ING5: variants seen among roughly 807,000 people sequenced by gnomAD.
The protein encoded by ING5 is inhibitor of growth protein 5.
ING5 carries 17 observed loss-of-function variants against 37.4 expected under a neutral mutation model. The observed-to-expected ratio is 0.45, with a 90% CI of 0.31 to 0.68. ING5 has a LOEUF of 0.68. ING5 is among the 30% of genes least tolerant of loss of function. The pLI is 0.05. For synonymous variants in ING5, 123 were observed against 116.6 expected, an observed-to-expected ratio of 1.06 and a Z score of -0.36; for missense variants, 233 against 311.9, an observed-to-expected ratio of 0.75 and a Z score of 1.91.
At chr2:241,706,777 G>A (rs756990991) in intron 2 of ING5, among the ~76,000 whole-genome samples, 12 of 152,100 alleles carry the variant, frequency 7.9e-5, no homozygotes, top group Admixed American at 1.3e-4. Flanking sequence ...GGAAGTTGGC[G>A]ACATTGCTGC....
intron 5 of ING5, among the ~76,000 whole-genome samples, chr2:241,713,989 C>CAA (rs781230058): frequency 1.9e-5 from 2 of 104,568 alleles, no homozygotes; most frequent in African/African-American, 3.5e-5. Context: ...AACTCCGTCT[C>CAA]AAAAAAAAAA....
upstream of ING5, among the ~76,000 whole-genome samples, chr2:241,699,749 G>A (rs868042981): frequency 6.6e-6 from 1 of 152,016 alleles, no homozygotes; most frequent in Admixed American, 6.6e-5. Context: ...TGGGGCTCGG[G>A]GAGCCTTTGG....
At chr2:241,698,528 TGTGTGTGTGTGG>T (rs1358297399), upstream of ING5, among the ~76,000 whole-genome samples, 1 of 141,382 alleles carries the variant, frequency 7.1e-6, no homozygotes, top group African/African-American at 2.7e-5. Flanking sequence ...TGTGTGTGTG[TGTGTGTGTGTGG>T]AGGAGTATAT....
chr2:241,692,939 C>G (rs972656083), intron 2 of ING5, among the ~76,000 whole-genome samples: 3 of 152,110 alleles, frequency 2.0e-5, no homozygotes, highest in Non-Finnish European at 4.4e-5. Context: ...ACTGTTGGTC[C>G]TATCACATTA....
Position 241,725,261 on chromosome 2 carries a change from C to T in ING5, c.*230C>T. 1.8e-6 allele frequency: 1 copy of T among 556,530 alleles called. No individual in the cohort carries two copies. The highest frequency in any genetic ancestry group is 3.1e-5 in the East Asian group (1 of 32,252). The allele number at this position is 556,530 out of a possible 1,614,324, so 34.5% of individuals were successfully genotyped here. A position where few individuals can be genotyped will look rare whatever the true frequency, so the allele number is the denominator to read the frequency against. On this transcript the variant is annotated 3_prime_UTR_variant, in exon 8 of 8. Coordinates refer to ENST00000313552, the MANE Select transcript of ING5 (RefSeq NM_032329.6). The stretch of plus-strand genomic sequence containing the variant: ...CCTCAGTGTGGCTTTTACAGGACTC[C>T]CCCCGAGCATCAGCAGGGACCCCGG...
At chr2:241,718,653 G>A (rs2070346762) in intron 5 of ING5, among the ~76,000 whole-genome samples, 1 of 152,072 alleles carries the variant, frequency 6.6e-6, no homozygotes, top group Non-Finnish European at 1.5e-5. Flanking sequence ...GGCCTCAGGT[G>A]GATCTGCCTG....
In ING5 at chr2:241,725,936, A is replaced by ATGTGAATTTGT. The variant is rs376585523; in HGVS notation, c.*921_*931dup. 2 of 152,588 alleles carry ATGTGAATTTGT rather than the reference A, an allele frequency of 1.3e-5. No homozygotes were observed. Among genetic ancestry groups the ATGTGAATTTGT allele is most frequent in the Non-Finnish European group, 2.9e-5 (2 of 68,036 alleles). The allele number at this position is 152,588 out of a possible 1,614,324, so 9.5% of individuals were successfully genotyped here. A position where few individuals can be genotyped will look rare whatever the true frequency, so the allele number is the denominator to read the frequency against. On this transcript the variant is annotated 3_prime_UTR_variant, in exon 8 of 8. Coordinates refer to ENST00000313552, the MANE Select transcript of ING5 (RefSeq NM_032329.6). ...GCAGCTCCCGGTCGAGGGGACTCCG[A>ATGTGAATTTGT]TGTGAATTTGTTGTGAATTTGTTGT...
At chr2:241,692,466 C>CTT (rs577054689) in intron 2 of ING5, among the ~76,000 whole-genome samples, 17,993 of 143,460 alleles carry the variant, frequency 0.13, 1,279 homozygotes, top group East Asian at 0.33. Context: ...ACACATCTGG[C>CTT]TTTTTTTTTT....
In ING5 at chr2:241,708,150, C is replaced by G. The variant is rs112795495; in HGVS notation, c.110-1066C>G. Among the ~76,000 whole-genome samples, 1,090 of 152,206 alleles carry G rather than the reference C, an allele frequency of 7.2e-3. 18 individuals are homozygous for G. The highest frequency in any genetic ancestry group is 0.025 in the African/African-American group (1,036 of 41,518). Reference sequence around the variant, plus strand: ...TAACCTCGTGATCCTCCTGCCTTGGCCTCCCAAAGTGCTGGGATCACAGGC... The same window carrying G: ...TAACCTCGTGATCCTCCTGCCTTGGGCTCCCAAAGTGCTGGGATCACAGGC... On this transcript the variant is annotated intron_variant, in intron 2 of 7. Transcript: ENST00000313552.
At chr2:241,698,183 G>A (rs528231048), upstream of ING5, among the ~76,000 whole-genome samples, 2 of 151,302 alleles carry the variant, frequency 1.3e-5, no homozygotes, top group Admixed American at 6.6e-5. Flanking sequence ...GGTGGCTCAC[G>A]CCTGTAATCC....
intron 2 of ING5, among the ~76,000 whole-genome samples, chr2:241,693,252 CAAA>C (rs748452347): frequency 0.013 from 756 of 59,318 alleles, 2 homozygotes; most frequent in African/African-American, 0.036. Context: ...GAGACTGTCT[CAAA>C]AAAAAAAAAA....
chr2:241,720,090 G>A (rs895972036), intron 5 of ING5: 4 of 1,242,152 alleles, frequency 3.2e-6, no homozygotes, highest in Non-Finnish European at 4.0e-6. Context: ...AGGGACAGGA[G>A]GATGGTGCAG....
rs766613237 is a variant in ING5, at chr2:241,704,673, G to C, written c.58G>C (p.Glu20Gln). Residue 20 changes from glutamate (E) to glutamine (Q), a missense_variant, in exon 2 of 8, where the codon GAA becomes CAA. By Grantham distance (29) the Glu-to-Gln change is conservative. Coordinates refer to ENST00000313552, the MANE Select transcript of ING5 (RefSeq NM_032329.6). ...YLDSIENLPC[E>Q]LQRNFQLMRE... is the part of the protein sequence containing the mutation. ...TTCAGGTATCGAGAACCTTCCCTGC[G>C]AACTTCAGAGGAACTTCCAGCTGAT... 6.2e-7 allele frequency: 1 copy of C among 1,613,992 alleles called. No individual in the cohort carries two copies. The highest frequency in any genetic ancestry group is 8.5e-7 in the Non-Finnish European group (1 of 1,179,986).
chr2:241,690,901 G>C (rs900232683), intron 2 of ING5, among the ~76,000 whole-genome samples: 1 of 151,530 alleles, frequency 6.6e-6, no homozygotes, highest in Non-Finnish European at 1.5e-5. Flanking sequence ...CCACCTCCTA[G>C]GTTCAGACGA....
intron 1 of ING5, among the ~76,000 whole-genome samples, chr2:241,688,799 TTTTTA>T (rs1207611068): frequency 6.8e-6 from 1 of 147,616 alleles, no homozygotes; most frequent in Non-Finnish European, 1.5e-5. Context: ...AATTTTTGTA[TTTTTA>T]TTTTATTTTT....
intron 1 of ING5, among the ~76,000 whole-genome samples, chr2:241,704,151 G>A (rs1261605922): frequency 6.6e-6 from 1 of 152,164 alleles, no homozygotes; most frequent in Admixed American, 6.6e-5. Flanking sequence ...GACAGCTTCC[G>A]AAGTGTGCAC....
At chr2:241,721,005 C>G in intron 5 of ING5, 16 of 985,686 alleles carry the variant, frequency 1.6e-5, no homozygotes, top group Non-Finnish European at 1.8e-5. Flanking sequence ...CCAGCGCCCT[C>G]GAACCTGGTG....
rs570760440 is a variant in ING5 at position 241,709,575 on chromosome 2, T to C, written c.276+193T>C. Reference sequence around the variant, plus strand: ...TCCCTGTTTTTTTTTTTTTTTTTTCTGGGCCCTTTTTGTTTGTGTATCTGC... The same window carrying C: ...TCCCTGTTTTTTTTTTTTTTTTTTCCGGGCCCTTTTTGTTTGTGTATCTGC... On this transcript the variant is annotated intron_variant, in intron 3 of 7. Coordinates refer to ENST00000313552, the MANE Select transcript of ING5 (RefSeq NM_032329.6). 5.5e-5 allele frequency among the ~76,000 whole-genome samples: 8 copies of C among 145,500 alleles called. No homozygotes were observed. The South Asian group carries it at 1.6e-3, about 30-fold the overall frequency.
chr2:241,713,366 AG>A (rs2070175948), intron 5 of ING5, among the ~76,000 whole-genome samples: 2 of 107,616 alleles, frequency 1.9e-5, no homozygotes, highest in Non-Finnish European at 1.9e-5. Context: ...CCCAATTTTC[AG>A]TTTTTTTTTT....
Sources: gnomAD v4.1 joint callset for allele counts (sites outside exome capture counted in the v4.1 genomes callset) on GRCh38, gnomAD v4.1.1 for gene constraint, MANE v1.5 for transcripts, NCBI Gene and HGNC (gene_info 2026-07-23, HGNC 2026-07-21) for gene names.